The following RBFOX1 variants were observed in gnomAD, a reference collection of about 807,000 sequenced individuals.
The protein encoded by RBFOX1 is RNA binding fox-1 homolog 1.
In RBFOX1, 8 loss-of-function variants were observed where a neutral mutation model predicts 57.7. The observed-to-expected ratio is 0.14, with a 90% CI of 0.08 to 0.25. RBFOX1 has a LOEUF of 0.25. Among genes scored for constraint, RBFOX1 ranks in the 10% least tolerant of loss-of-function variants. The pLI is 1.00. For synonymous variants in RBFOX1, 326 were observed against 222.4 expected (o/e 1.47, Z -4.15); for missense variants, 611 against 548.5 (o/e 1.11, Z -1.14).
At chr16:6,972,959 A>T (rs924368111) in intron 3 of RBFOX1, among the ~76,000 whole-genome samples, 1 of 152,268 alleles carries the variant, frequency 6.6e-6, no homozygotes, top group East Asian at 1.9e-4. Context: ...CCCCATCTCA[A>T]CTAAAAATAC....
At chr16:5,281,013 G>C (rs2063259667) in intron 1 of RBFOX1, among the ~76,000 whole-genome samples, 1 of 151,792 alleles carries the variant, frequency 6.6e-6, no homozygotes, top group Non-Finnish European at 1.5e-5. Flanking sequence ...AGTTCCTTGA[G>C]GTGCATCATT....
intron 1 of RBFOX1, among the ~76,000 whole-genome samples, chr16:5,461,642 C>A (rs909044713): frequency 3.9e-5 from 6 of 152,150 alleles, no homozygotes; most frequent in African/African-American, 1.4e-4. Flanking sequence ...AAGCCCGAGC[C>A]TTGTAATTAT....
chr16:5,756,395 T>A (rs958414040), intron 3 of RBFOX1, among the ~76,000 whole-genome samples: 1 of 152,150 alleles, frequency 6.6e-6, no homozygotes, highest in Non-Finnish European at 1.5e-5. Context: ...TGAGAAAAGA[T>A]GGATACCGTT....
chr16:7,063,467 A>T (rs7203820), intron 4 of RBFOX1, among the ~76,000 whole-genome samples: 9,288 of 152,226 alleles, frequency 0.061, 868 homozygotes, highest in African/African-American at 0.2. Flanking sequence ...GTTTATAACA[A>T]GTGCCATTTC....
At chr16:6,816,294 G>A (rs1014513908) in intron 3 of RBFOX1, among the ~76,000 whole-genome samples, 2 of 152,164 alleles carry the variant, frequency 1.3e-5, no homozygotes, top group Non-Finnish European at 1.5e-5. Context: ...GAGCCACAGG[G>A]TAAGACCTTG....
intron 3 of RBFOX1, among the ~76,000 whole-genome samples, chr16:6,980,190 T>A (rs1424744031): frequency 6.6e-6 from 1 of 152,174 alleles, no homozygotes; most frequent in Non-Finnish European, 1.5e-5. Flanking sequence ...ATTATTTGCA[T>A]CCAAAAGCAA....
At chr16:6,639,884 C>T (rs1279804779) in intron 2 of RBFOX1, among the ~76,000 whole-genome samples, 1 of 151,598 alleles carries the variant, frequency 6.6e-6, no homozygotes, top group East Asian at 2.0e-4. Context: ...GTCTCAAAAA[C>T]AAAAAACAAA....
intron 2 of RBFOX1, among the ~76,000 whole-genome samples, chr16:6,445,873 G>A (rs149738434): frequency 2.6e-5 from 4 of 151,470 alleles, no homozygotes; most frequent in African/African-American, 7.3e-5. Context: ...GAGCCACTGC[G>A]CCCGGCCATC....
chr16:5,391,519 A>C (rs2066406992), intron 1 of RBFOX1, among the ~76,000 whole-genome samples: 1 of 151,984 alleles, frequency 6.6e-6, no homozygotes, highest in Admixed American at 6.5e-5. Context: ...TCCCCATTTT[A>C]AGGTCAGCAG....
At chr16:7,348,951 A>C (rs1014234164) in intron 4 of RBFOX1, among the ~76,000 whole-genome samples, 6 of 152,180 alleles carry the variant, frequency 3.9e-5, no homozygotes, top group African/African-American at 1.2e-4. Flanking sequence ...CAAAGAAAAA[A>C]AGAATGAAGA....
rs145437245 is a variant in RBFOX1 at position 5,758,891 on chromosome 16, C to G, written c.319-108412C>G. Among the ~76,000 whole-genome samples, 642 of 152,272 alleles carry G rather than the reference C, an allele frequency of 4.2e-3. 6 individuals are homozygous for G. Among genetic ancestry groups the G allele is most frequent in the African/African-American group, 0.015 (604 of 41,556 alleles). ...AAAGCGTGGCTGACCCTCCATGCAA[C>G]ATGAACTTGACTCCACTTACCTCTT... On this transcript the variant is annotated intron_variant, in intron 3 of 19. Transcript: ENST00000641259.
intron 4 of RBFOX1, among the ~76,000 whole-genome samples, chr16:5,869,271 T>A (rs2343339): frequency 5.9e-5 from 9 of 152,070 alleles, no homozygotes; most frequent in Non-Finnish European, 8.8e-5. Flanking sequence ...CTGAGACAGC[T>A]GTGTGTTTCC....
chr16:5,954,119 C>T (rs527675669), intron 4 of RBFOX1, among the ~76,000 whole-genome samples: 7 of 152,274 alleles, frequency 4.6e-5, no homozygotes, highest in Admixed American at 2.6e-4. Context: ...GCAGTCCAAA[C>T]GTCAGTGGTG....
intron 2 of RBFOX1, among the ~76,000 whole-genome samples, chr16:6,631,361 G>T (rs1037766298): frequency 2.6e-5 from 4 of 151,978 alleles, no homozygotes; most frequent in South Asian, 2.1e-4. Flanking sequence ...TTATAAAGAA[G>T]ATGAAGTAGA....
At chr16:7,618,143 A>G (rs571153801) in intron 10 of RBFOX1, among the ~76,000 whole-genome samples, 39 of 152,218 alleles carry the variant, frequency 2.6e-4, no homozygotes, top group African/African-American at 8.9e-4. Flanking sequence ...GAAAGGTTGC[A>G]TAAGACCTTA....
chr16:5,447,559 C>T (rs57300439), intron 1 of RBFOX1, among the ~76,000 whole-genome samples: 2,788 of 152,108 alleles, frequency 0.018, 80 homozygotes, highest in African/African-American at 0.063. Flanking sequence ...CACCACGCCC[C>T]CCTAATTTTT....
chr16:7,463,169 G>T lies in RBFOX1; in HGVS notation c.28-54978G>T, dbSNP rs74869403. Among the ~76,000 whole-genome samples the T allele has an allele frequency of 1.1e-3, 165 of 152,244 alleles. 7 individuals are homozygous for T. In the East Asian group the frequency reaches 0.03, roughly 28 times the overall value. On this transcript the variant is annotated intron_variant, in intron 4 of 15. Transcript: ENST00000550418. ...ATTCCCTCTTGCTATGCCCTCAGATGGTAGAAGGGACTTGCAGGCTCTCTG... is the reference window on the plus strand; with the variant it reads ...ATTCCCTCTTGCTATGCCCTCAGATTGTAGAAGGGACTTGCAGGCTCTCTG...
At chr16:5,803,760 C>T (rs1280037051) in intron 3 of RBFOX1, among the ~76,000 whole-genome samples, 5 of 152,166 alleles carry the variant, frequency 3.3e-5, no homozygotes, top group Non-Finnish European at 5.9e-5. Context: ...TCTTGATCCC[C>T]TTTCTATTAT....
At chr16:6,534,361 G>C (rs1443900932) in intron 2 of RBFOX1, among the ~76,000 whole-genome samples, 1 of 152,066 alleles carries the variant, frequency 6.6e-6, no homozygotes, top group Non-Finnish European at 1.5e-5. Context: ...GTTTTATGAA[G>C]CTGACGAACA....
Sources: allele counts gnomAD v4.1 joint callset (sites outside exome capture counted in the v4.1 genomes callset), GRCh38; gene constraint gnomAD v4.1.1; transcripts MANE v1.5; gene names NCBI Gene and HGNC (gene_info 2026-07-23, HGNC 2026-07-21).